Variants in CHCHD6 observed in about 807,000 individuals in gnomAD.
CHCHD6 encodes MICOS complex subunit MIC25.
CHCHD6 carries 28 observed loss-of-function variants against 32.3 expected under a neutral mutation model. The observed-to-expected ratio is 0.87, with a 90% CI of 0.64 to 1.19. The LOEUF is 1.19. Ranked by LOEUF, CHCHD6 falls within the 50% of genes most tolerant of loss-of-function variation. The pLI, the probability that CHCHD6 is intolerant of heterozygous loss-of-function variation, is 0.00. For synonymous variants in CHCHD6, 122 were observed against 117.5 expected, an observed-to-expected ratio of 1.04 and a Z score of -0.25; for missense variants, 333 against 307.0, an observed-to-expected ratio of 1.08 and a Z score of -0.63.
intron 4 of CHCHD6, among the ~76,000 whole-genome samples, chr3:126,823,674 T>G (rs1322431031): frequency 2.0e-5 from 3 of 152,206 alleles, no homozygotes; most frequent in Non-Finnish European, 4.4e-5. Context: ...TTTCTTCCAT[T>G]CTAAAGGTTG....
intron 5 of CHCHD6, among the ~76,000 whole-genome samples, chr3:126,894,866 A>C (rs940472767): frequency 6.6e-6 from 1 of 152,220 alleles, no homozygotes; most frequent in Non-Finnish European, 1.5e-5. Flanking sequence ...GGTGCTTTCC[A>C]TTTACCACTT....
chr3:126,877,853 A>G (rs2077560098), intron 5 of CHCHD6, among the ~76,000 whole-genome samples: 1 of 152,258 alleles, frequency 6.6e-6, no homozygotes, highest in African/African-American at 2.4e-5. Context: ...ATTATTTATT[A>G]GCACTGCCTG....
chr3:126,875,947 T>C (rs957636428), intron 5 of CHCHD6, among the ~76,000 whole-genome samples: 3 of 152,210 alleles, frequency 2.0e-5, no homozygotes, highest in Admixed American at 2.0e-4. Flanking sequence ...ATGGTCAGAC[T>C]CAGCTATTAT....
At chr3:126,717,783 G>T (rs546797878) in intron 1 of CHCHD6, among the ~76,000 whole-genome samples, 1 of 147,010 alleles carries the variant, frequency 6.8e-6, no homozygotes, top group African/African-American at 2.5e-5. Context: ...GTGTGTGTGT[G>T]TGTGGCTTAG....
intron 4 of CHCHD6, among the ~76,000 whole-genome samples, chr3:126,843,467 T>C (rs1941180635): frequency 6.6e-6 from 1 of 152,194 alleles, no homozygotes; most frequent in Admixed American, 6.5e-5. Flanking sequence ...TTTGATAAAA[T>C]TGGTGAAGCC....
intron 4 of CHCHD6, among the ~76,000 whole-genome samples, chr3:126,852,054 A>G (rs919785180): frequency 4.6e-5 from 7 of 152,190 alleles, no homozygotes; most frequent in African/African-American, 1.7e-4. Context: ...GTGAGGAAGC[A>G]GCGCCTCTCC....
intron 4 of CHCHD6, among the ~76,000 whole-genome samples, chr3:126,740,262 T>G (rs1936236743): frequency 6.6e-6 from 1 of 152,168 alleles, no homozygotes; most frequent in Middle Eastern, 3.2e-3. Context: ...CTACTGTTGC[T>G]TGGTGGTCAG....
chr3:126,705,459 ATTATTGT>A (rs1268231159), intron 1 of CHCHD6, among the ~76,000 whole-genome samples: 1 of 152,206 alleles, frequency 6.6e-6, no homozygotes, highest in Non-Finnish European at 1.5e-5. Flanking sequence ...TATTTAGCCC[ATTATTGT>A]AGATTAAGGA....
chr3:126,881,000 G>A (rs1041590958), intron 5 of CHCHD6, among the ~76,000 whole-genome samples: 2 of 152,230 alleles, frequency 1.3e-5, no homozygotes, highest in Admixed American at 6.5e-5. Flanking sequence ...AATCATAGAT[G>A]TCATAGGAGG....
intron 4 of CHCHD6, among the ~76,000 whole-genome samples, chr3:126,845,871 G>GA (rs758782660): frequency 2.0e-5 from 3 of 152,052 alleles, no homozygotes; most frequent in African/African-American, 7.2e-5. Context: ...TAAAAGCAAT[G>GA]AAAAAACTGG....
At chr3:126,878,392 GA>G (rs2077566683) in intron 5 of CHCHD6, among the ~76,000 whole-genome samples, 1 of 152,194 alleles carries the variant, frequency 6.6e-6, no homozygotes, top group African/African-American at 2.4e-5. Flanking sequence ...TTTATTTTAT[GA>G]AAAAGAAGGA....
At chr3:126,837,659 T>C (rs1940913138) in intron 4 of CHCHD6, among the ~76,000 whole-genome samples, 1 of 152,230 alleles carries the variant, frequency 6.6e-6, no homozygotes, top group African/African-American at 2.4e-5. Context: ...TACTGACTGG[T>C]AATAAATGGT....
chr3:126,796,333 G>C (rs1224828241), intron 4 of CHCHD6, among the ~76,000 whole-genome samples: 1 of 152,162 alleles, frequency 6.6e-6, no homozygotes, highest in Non-Finnish European at 1.5e-5. Flanking sequence ...CTGAGCAACA[G>C]AGTGAGAGAC....
intron 6 of CHCHD6, chr3:126,949,598 TG>T: frequency 6.2e-6 from 1 of 160,500 alleles, no homozygotes; most frequent in Non-Finnish European, 1.3e-5. Context: ...ACTGCCGCCG[TG>T]GACGGAAGGG....
intron 6 of CHCHD6, among the ~76,000 whole-genome samples, chr3:126,944,323 C>A (rs2078604109): frequency 6.6e-6 from 1 of 152,266 alleles, no homozygotes; most frequent in Non-Finnish European, 1.5e-5. Flanking sequence ...TCAGTCAGAT[C>A]TGGCCTCTGC....
chr3:126,862,820 A>C (rs369359764), intron 5 of CHCHD6, among the ~76,000 whole-genome samples: 5 of 270 alleles, frequency 0.019, no homozygotes, highest in South Asian at 0.17. Flanking sequence ...ACCATCACCA[A>C]CTCCCCCTCC....
At chr3:126,790,638 G>A (rs993541126) in intron 4 of CHCHD6, among the ~76,000 whole-genome samples, 28 of 151,994 alleles carry the variant, frequency 1.8e-4, no homozygotes, top group Admixed American at 3.9e-4. Context: ...TTGTGCATTC[G>A]TCATGTAGTT....
intron 4 of CHCHD6, among the ~76,000 whole-genome samples, chr3:126,782,131 C>T (rs1937974745): frequency 6.6e-6 from 1 of 152,240 alleles, no homozygotes; most frequent in African/African-American, 2.4e-5. Context: ...CCCAGCAAGG[C>T]AGTGAACAAC....
chr3:126,863,483 C>A (rs1942050979), intron 5 of CHCHD6, among the ~76,000 whole-genome samples: 2 of 141,092 alleles, frequency 1.4e-5, no homozygotes, highest in African/African-American at 5.3e-5. Flanking sequence ...ACCACCATCA[C>A]CACCTCCTCC....
Sources: gnomAD v4.1 joint callset for allele counts (sites outside exome capture counted in the v4.1 genomes callset) on GRCh38, gnomAD v4.1.1 for gene constraint, MANE v1.5 for transcripts, NCBI Gene and HGNC (gene_info 2026-07-23, HGNC 2026-07-21) for gene names.